ARHGAP42: variants seen among roughly 807,000 people sequenced by gnomAD.
ARHGAP42 encodes the protein rho GTPase-activating protein 42.
A neutral mutation model predicts 125.0 loss-of-function variants in ARHGAP42; 63 were observed. That is an observed-to-expected ratio of 0.50 (90% CI 0.41 to 0.62). The LOEUF (loss-of-function observed/expected upper bound fraction) is 0.62. Ranked by LOEUF, ARHGAP42 falls within the 20% of genes least tolerant of loss-of-function variation. The probability of loss-of-function intolerance (pLI) is 0.00; values close to 1 mark genes in which losing one functional copy is unlikely to be tolerated. For missense variants in ARHGAP42, 766 were observed against 1,024.2 expected, an observed-to-expected ratio of 0.75 and a Z score of 3.44; for synonymous variants, 339 against 351.0, an observed-to-expected ratio of 0.97 and a Z score of 0.38.
intron 16 of ARHGAP42, among the ~76,000 whole-genome samples, chr11:100,964,013 C>T: frequency 6.6e-6 from 1 of 151,666 alleles, no homozygotes; most frequent in Admixed American, 6.6e-5. Context: ...TAATAATATT[C>T]ATGACTATGA....
At chr11:100,881,873 A>G (rs76229385) in intron 4 of ARHGAP42, among the ~76,000 whole-genome samples, 2,195 of 152,074 alleles carry the variant, frequency 0.014, 21 homozygotes, top group Middle Eastern at 0.041. Context: ...CCTTCCAGCT[A>G]TTGTAAAAGG....
intron 4 of ARHGAP42, among the ~76,000 whole-genome samples, chr11:100,900,719 A>G (rs1232885361): frequency 3.3e-5 from 5 of 152,106 alleles, no homozygotes; most frequent in Admixed American, 1.3e-4. Flanking sequence ...AAACTTGTGT[A>G]TGCATCATGA....
At chr11:100,889,781 T>C (rs1230510951) in intron 4 of ARHGAP42, among the ~76,000 whole-genome samples, 1 of 152,234 alleles carries the variant, frequency 6.6e-6, no homozygotes, top group African/African-American at 2.4e-5. Flanking sequence ...AGTCTCTTTC[T>C]ACTTTTGGCA....
chr11:100,710,758 C>G (rs888637113), intron 1 of ARHGAP42, among the ~76,000 whole-genome samples: 14 of 152,172 alleles, frequency 9.2e-5, no homozygotes, highest in African/African-American at 3.4e-4. Context: ...CCAGGATGGT[C>G]TTGATCTCCT....
intron 1 of ARHGAP42, among the ~76,000 whole-genome samples, chr11:100,713,190 T>C (rs1861594240): frequency 6.6e-6 from 1 of 152,232 alleles, no homozygotes; most frequent in Non-Finnish European, 1.5e-5. Context: ...GTAGAGAACC[T>C]ATAGTGAGTT....
chr11:100,876,418 A>C (rs190483249), intron 4 of ARHGAP42, among the ~76,000 whole-genome samples: 1 of 152,356 alleles, frequency 6.6e-6, no homozygotes, highest in East Asian at 1.9e-4. Flanking sequence ...AGGTCAGGTA[A>C]AAACACTTTA....
At chr11:100,733,751 G>A (rs973244726) in intron 1 of ARHGAP42, among the ~76,000 whole-genome samples, 17 of 134,024 alleles carry the variant, frequency 1.3e-4, no homozygotes, top group African/African-American at 4.8e-4. Flanking sequence ...CCTAAACCCA[G>A]GAAGCAGAGG....
At chr11:100,758,016 T>C (rs1161390742) in intron 1 of ARHGAP42, among the ~76,000 whole-genome samples, 1 of 152,246 alleles carries the variant, frequency 6.6e-6, no homozygotes, top group Non-Finnish European at 1.5e-5. Flanking sequence ...GACATAACCA[T>C]ACTGTTCATG....
At chr11:100,877,591 T>G (rs1460790340) in intron 4 of ARHGAP42, among the ~76,000 whole-genome samples, 1 of 152,222 alleles carries the variant, frequency 6.6e-6, no homozygotes, top group Non-Finnish European at 1.5e-5. Flanking sequence ...TTTCCAGAGA[T>G]TCAGTTGTTT....
chr11:100,695,497 G>T (rs568438802), intron 1 of ARHGAP42, among the ~76,000 whole-genome samples: 1 of 152,220 alleles, frequency 6.6e-6, no homozygotes, highest in Admixed American at 6.5e-5. Context: ...TAGAGATGGG[G>T]TTTCACCATG....
chr11:100,707,413 C>T (rs143549580), intron 1 of ARHGAP42, among the ~76,000 whole-genome samples: 1,810 of 152,226 alleles, frequency 0.012, 36 homozygotes, highest in African/African-American at 0.041. Flanking sequence ...AATTATTTTT[C>T]GTAACAAATT....
chr11:100,958,410 A>G (rs2135295539), intron 12 of ARHGAP42, among the ~76,000 whole-genome samples: 1 of 152,138 alleles, frequency 6.6e-6, no homozygotes, highest in East Asian at 1.9e-4. Flanking sequence ...GACCTAGGAC[A>G]CTGGGGACAA....
chr11:100,865,139 G>T (rs1186614410), intron 4 of ARHGAP42, among the ~76,000 whole-genome samples: 3 of 152,200 alleles, frequency 2.0e-5, no homozygotes, highest in Admixed American at 2.0e-4. Flanking sequence ...GTTGAAGACT[G>T]TAATGGAAAC....
At chr11:100,770,310 C>T in intron 1 of ARHGAP42, 33 bp from the exon 2 acceptor site, 19 of 1,438,082 alleles carry the variant, frequency 1.3e-5, no homozygotes, top group Non-Finnish European at 1.8e-5. Context: ...GGAACCTCAC[C>T]TTATGGATTT....
At chr11:100,885,022 C>T (rs1275274352) in intron 4 of ARHGAP42, among the ~76,000 whole-genome samples, 1 of 152,122 alleles carries the variant, frequency 6.6e-6, no homozygotes, top group East Asian at 1.9e-4. Flanking sequence ...GAGCATGTGG[C>T]ATATACCCAG....
chr11:100,687,966 C>A, intron 1 of ARHGAP42, 134 bp downstream of exon 1: 1 of 1,024,028 alleles, frequency 9.8e-7, no homozygotes. Flanking sequence ...GAAGAGCTCC[C>A]CTGCTGGTGG....
intron 1 of ARHGAP42, among the ~76,000 whole-genome samples, chr11:100,703,950 A>G (rs80050657): frequency 0.038 from 5,804 of 152,252 alleles, 116 homozygotes; most frequent in African/African-American, 0.071. Context: ...TGATACACAG[A>G]TGTTTTGTAA....
chr11:100,883,279 T>C (rs1235222320), intron 4 of ARHGAP42, among the ~76,000 whole-genome samples: 1 of 152,192 alleles, frequency 6.6e-6, no homozygotes, highest in Non-Finnish European at 1.5e-5. Context: ...TTATTCATTT[T>C]TGATATCCCT....
intron 3 of ARHGAP42, among the ~76,000 whole-genome samples, chr11:100,841,706 G>A (rs2135112935): frequency 6.6e-6 from 1 of 152,158 alleles, no homozygotes; most frequent in African/African-American, 2.4e-5. Context: ...TACGGCATTG[G>A]CACTTGCTCT....
Sources: allele counts gnomAD v4.1 joint callset (sites outside exome capture counted in the v4.1 genomes callset), GRCh38; gene constraint gnomAD v4.1.1; transcripts MANE v1.5; gene names NCBI Gene and HGNC (gene_info 2026-07-23, HGNC 2026-07-21).